The following ACSL3 variants were observed in gnomAD, a reference collection of about 807,000 sequenced individuals.
ACSL3 encodes fatty acid CoA ligase Acsl3.
ACSL3 carries 34 observed loss-of-function variants against 84.7 expected under a neutral mutation model. The ratio of observed to expected loss-of-function variants is 0.40; its 90% confidence interval spans 0.31 to 0.53. ACSL3 has a LOEUF of 0.53. Ranked by LOEUF, ACSL3 falls within the 20% of genes least tolerant of loss-of-function variation. ACSL3 has a pLI of 0.48. For missense variants in ACSL3, 680 were observed against 873.1 expected, an observed-to-expected ratio of 0.78 and a Z score of 2.79; for synonymous variants, 315 against 299.4, an observed-to-expected ratio of 1.05 and a Z score of -0.54.
chr2:222,902,033 A>G (rs1034711600), intron 3 of ACSL3, among the ~76,000 whole-genome samples: 6 of 152,016 alleles, frequency 3.9e-5, no homozygotes, highest in East Asian at 1.9e-4. Context: ...ACAATACCCA[A>G]ATTTAACATA....
chr2:222,908,558 G>A (rs1022209338), intron 3 of ACSL3, among the ~76,000 whole-genome samples, 175 bp from the exon 4 acceptor site: 1 of 151,988 alleles, frequency 6.6e-6, no homozygotes, highest in African/African-American at 2.4e-5. Flanking sequence ...TTGTAATTCC[G>A]TTGTTAATAG....
At chr2:222,917,130 G>A (rs1339039754) in intron 5 of ACSL3, among the ~76,000 whole-genome samples, 1 of 151,846 alleles carries the variant, frequency 6.6e-6, no homozygotes, top group East Asian at 1.9e-4. Flanking sequence ...TCACTCTGTC[G>A]CCAGGCTGGA....
intron 16 of ACSL3, among the ~76,000 whole-genome samples, chr2:222,936,608 T>TCCCCCCCCCCCCCCCC (rs55915039): frequency 2.3e-4 from 30 of 131,264 alleles, no homozygotes; most frequent in Middle Eastern, 3.8e-3. Context: ...TTCTGCACCC[T>TCCCCCCCCCCCCCCCC]CCCCCCCCAC....
intron 1 of ACSL3, among the ~76,000 whole-genome samples, chr2:222,870,892 G>T (rs1176542536): frequency 6.6e-6 from 1 of 152,158 alleles, no homozygotes; most frequent in Non-Finnish European, 1.5e-5. Flanking sequence ...AGGGAATTGA[G>T]ATTCTTGAAG....
In ACSL3 at chr2:222,943,719, G is replaced by C. The variant is rs10755043; in HGVS notation, c.*2065G>C. On this transcript the variant is annotated 3_prime_UTR_variant, in exon 17 of 17. Coordinates refer to ENST00000357430, the MANE Select transcript of ACSL3 (RefSeq NM_004457.5). ...GTAGAGTCCCCTTTTAAACAAATTT[G>C]TCTGTAAGCAAAACTATCTTTAGTG... The C allele has an allele frequency of 0.83, 126,462 of 152,112 alleles. 52,859 individuals are homozygous for C. Among genetic ancestry groups the C allele is most frequent in the East Asian group, 0.97 (5,035 of 5,188 alleles). The allele number at this position is 152,112 out of a possible 1,614,324, so 9.4% of individuals were successfully genotyped here. A position where few individuals can be genotyped will look rare whatever the true frequency, so the allele number is the denominator to read the frequency against.
intron 16 of ACSL3, among the ~76,000 whole-genome samples, chr2:222,937,469 A>C (rs1466174064): frequency 6.6e-6 from 1 of 152,090 alleles, no homozygotes; most frequent in Non-Finnish European, 1.5e-5. Flanking sequence ...TGTTTGCTTC[A>C]TATATTTAGA....
chr2:222,921,399 A>T lies in ACSL3; in HGVS notation c.925A>T (p.Thr309Ser). ...ISHSNIIAGI[T>S]GMAERIPELG... is the part of the protein sequence containing the mutation. ...ACATAGTAACATTATTGCTGGTATA[A>T]CTGGGATGGCAGAAAGGATTCCAGA... The change falls in exon 8 of 17, where the codon ACT becomes TCT. Residue 309 changes from threonine (T) to serine (S), a missense_variant. Physicochemically the swap from Thr to Ser is moderately conservative, Grantham distance 58 (BLOSUM62 1). Around this residue, in one of 2 missense-constraint regions of ACSL3, gnomAD observed 347 missense variants for 525.7 expected, o/e 0.66. Coordinates refer to ENST00000357430, the MANE Select transcript of ACSL3 (RefSeq NM_004457.5). 6.3e-7 allele frequency: 1 copy of T among 1,594,246 alleles called. No homozygotes were observed. Among genetic ancestry groups the T allele is most frequent in the Non-Finnish European group, 8.6e-7 (1 of 1,163,670 alleles).
intron 1 of ACSL3, among the ~76,000 whole-genome samples, chr2:222,879,750 G>T (rs1695543061): frequency 6.6e-6 from 1 of 152,228 alleles, no homozygotes; most frequent in Admixed American, 6.5e-5. Context: ...GTAGTCTGCG[G>T]TGTTGGAGAT....
At chr2:222,911,046 T>C (rs1026415489) in intron 4 of ACSL3, among the ~76,000 whole-genome samples, 3 of 112,590 alleles carry the variant, frequency 2.7e-5, no homozygotes, top group African/African-American at 9.5e-5. Context: ...TGGCACTGCC[T>C]TTTTTTTTTT....
At chr2:222,896,380 AC>A (rs1347298103) in intron 2 of ACSL3, among the ~76,000 whole-genome samples, 2 of 8,720 alleles carry the variant, frequency 2.3e-4, no homozygotes. Context: ...CGGGGGGCTG[AC>A]CCCCCCACCT....
At position 222,916,412 on chromosome 2, in the gene ACSL3, C is replaced by T; in HGVS notation, c.472C>T (p.Pro158Ser). ...TGGATTACAGATGTTGGGTCAGAAA[C>T]CAAAGACCAACATCGCCATCTTCTG... is the stretch of plus-strand genomic sequence containing the variant. Reference protein sequence around the residue: ...GNGLQMLGQKPKTNIAIFCET... With the variant: ...GNGLQMLGQKSKTNIAIFCET... Residue 158 changes from proline (P) to serine (S), a missense_variant, in exon 5 of 17, where the codon CCA becomes TCA. Transcript: ENST00000357430. 1 of 1,613,996 alleles carries T rather than the reference C, an allele frequency of 6.2e-7. No homozygotes were observed. Among genetic ancestry groups the T allele is most frequent in the Non-Finnish European group, 8.5e-7 (1 of 1,179,962 alleles).
chr2:222,864,396 G>T (rs1280627644), intron 1 of ACSL3, among the ~76,000 whole-genome samples: 1 of 152,320 alleles, frequency 6.6e-6, no homozygotes, highest in African/African-American at 2.4e-5. Context: ...TATAGAATAA[G>T]AAGAGAAGGA....
At chr2:222,938,826 T>A (rs1433371698) in intron 16 of ACSL3, among the ~76,000 whole-genome samples, 1 of 152,166 alleles carries the variant, frequency 6.6e-6, no homozygotes, top group East Asian at 1.9e-4. Flanking sequence ...ATTTTTCCTC[T>A]CTTAGTAATT....
intron 11 of ACSL3, among the ~76,000 whole-genome samples, chr2:222,925,116 CA>C (rs1696845984): frequency 2.0e-5 from 3 of 151,868 alleles, no homozygotes; most frequent in African/African-American, 7.3e-5. Flanking sequence ...GCGGGCAGAT[CA>C]CCTGAGGTCA....
intron 4 of ACSL3, among the ~76,000 whole-genome samples, chr2:222,910,375 G>C (rs187604596): frequency 4.6e-4 from 70 of 152,266 alleles, no homozygotes; most frequent in African/African-American, 1.7e-3. Flanking sequence ...TAGGTAATAG[G>C]TTTAATATCT....
At chr2:222,883,626 T>C (rs1196745259) in intron 1 of ACSL3, among the ~76,000 whole-genome samples, 1 of 152,192 alleles carries the variant, frequency 6.6e-6, no homozygotes, top group Non-Finnish European at 1.5e-5. Context: ...ATTTATCAGC[T>C]CTGGGATATT....
At chr2:222,917,067 T>G (rs534827381) in intron 5 of ACSL3, among the ~76,000 whole-genome samples, 1 of 152,274 alleles carries the variant, frequency 6.6e-6, no homozygotes, top group South Asian at 2.1e-4. Context: ...TTCACCAGAT[T>G]TCTTGCTGTA....
At chr2:222,929,370 G>C (rs1286108917) in intron 13 of ACSL3, among the ~76,000 whole-genome samples, 1 of 151,948 alleles carries the variant, frequency 6.6e-6, no homozygotes, top group Non-Finnish European at 1.5e-5. Flanking sequence ...TTCCATAGAA[G>C]TCTGTTTATT....
chr2:222,863,124 A>C (rs967034219), intron 1 of ACSL3, among the ~76,000 whole-genome samples: 16 of 152,278 alleles, frequency 1.1e-4, no homozygotes, highest in African/African-American at 3.6e-4. Flanking sequence ...GGTGCTGGGA[A>C]TACAGCTGTG....
Sources: allele counts gnomAD v4.1 joint callset (sites outside exome capture counted in the v4.1 genomes callset), GRCh38; gene constraint gnomAD v4.1.1; regional missense constraint gnomAD v4.1.1; transcripts MANE v1.5; gene names NCBI Gene and HGNC (gene_info 2026-07-23, HGNC 2026-07-21).